The following SLC24A3 variants were observed in gnomAD, a reference collection of about 807,000 sequenced individuals.
SLC24A3 encodes the protein sodium/potassium/calcium exchanger 3.
A neutral mutation model predicts 75.8 loss-of-function variants in SLC24A3; 28 were observed. That is an observed-to-expected ratio of 0.37 (90% CI 0.27 to 0.51). The LOEUF (loss-of-function observed/expected upper bound fraction) is 0.51. SLC24A3 is among the 20% of genes least tolerant of loss of function. The pLI, the probability that SLC24A3 is intolerant of heterozygous loss-of-function variation, is 0.94. For synonymous variants in SLC24A3, 372 were observed against 334.1 expected (o/e 1.11, Z -1.24); for missense variants, 663 against 847.8 (o/e 0.78, Z 2.71).
intron 1 of SLC24A3, among the ~76,000 whole-genome samples, chr20:19,226,238 G>A (rs6112261): frequency 0.15 from 23,081 of 152,102 alleles, 3,034 homozygotes; most frequent in East Asian, 0.73. Context: ...TTTCAAATAC[G>A]GAATCAGCCT....
intron 2 of SLC24A3, among the ~76,000 whole-genome samples, chr20:19,470,085 T>C (rs11700233): frequency 0.54 from 82,156 of 152,014 alleles, 22,383 homozygotes; most frequent in Non-Finnish European, 0.56. Context: ...GAAGATGCCC[T>C]GCCACCTGTG....
intron 3 of SLC24A3, 121 bp downstream of exon 3, chr20:19,515,685 T>C (rs865966573): frequency 2.1e-6 from 2 of 964,390 alleles, no homozygotes; most frequent in Middle Eastern, 3.2e-4. Flanking sequence ...CGCTGCCTGG[T>C]GGGGGTCCTT....
intron 12 of SLC24A3, among the ~76,000 whole-genome samples, chr20:19,687,409 T>C (rs2032689885): frequency 6.6e-6 from 1 of 152,148 alleles, no homozygotes; most frequent in Admixed American, 6.5e-5. Flanking sequence ...AACTGTGCCA[T>C]ACAACACAGC....
At chr20:19,247,756 AG>A (rs1275629724) in intron 1 of SLC24A3, among the ~76,000 whole-genome samples, 2 of 152,256 alleles carry the variant, frequency 1.3e-5, no homozygotes, top group Non-Finnish European at 2.9e-5. Context: ...GTTAATTAAA[AG>A]TTACTACACT....
chr20:19,530,545 C>A (rs1219278738), intron 3 of SLC24A3, among the ~76,000 whole-genome samples: 1 of 152,168 alleles, frequency 6.6e-6, no homozygotes, highest in East Asian at 1.9e-4. Context: ...GTCACTTGCC[C>A]TTCAGGGTTT....
At chr20:19,616,790 C>G (rs1166314564) in intron 6 of SLC24A3, among the ~76,000 whole-genome samples, 1 of 152,100 alleles carries the variant, frequency 6.6e-6, no homozygotes, top group African/African-American at 2.4e-5. Flanking sequence ...CTGGGCTCTT[C>G]AGCCAAGAGC....
intron 1 of SLC24A3, among the ~76,000 whole-genome samples, chr20:19,277,568 T>C (rs1983523825): frequency 6.6e-6 from 1 of 152,248 alleles, no homozygotes; most frequent in Non-Finnish European, 1.5e-5. Context: ...TGCAATGCAT[T>C]GCTTCATCAT....
intron 2 of SLC24A3, among the ~76,000 whole-genome samples, chr20:19,378,259 C>T (rs1447424586): frequency 6.6e-6 from 1 of 151,690 alleles, no homozygotes; most frequent in Non-Finnish European, 1.5e-5. Context: ...TACAACAGTG[C>T]ACAGAGCTTG....
At chr20:19,432,827 C>A (rs1354524675) in intron 2 of SLC24A3, among the ~76,000 whole-genome samples, 1 of 152,180 alleles carries the variant, frequency 6.6e-6, no homozygotes, top group Non-Finnish European at 1.5e-5. Context: ...GTGAATGCTT[C>A]AAGTTTTTTT....
intron 15 of SLC24A3, among the ~76,000 whole-genome samples, chr20:19,705,607 A>T (rs1192807797): frequency 1.3e-5 from 2 of 152,166 alleles, no homozygotes; most frequent in Non-Finnish European, 2.9e-5. Context: ...TAGTGACCGC[A>T]TGACATCTTT....
At chr20:19,647,060 G>A (rs545486972) in intron 6 of SLC24A3, among the ~76,000 whole-genome samples, 1 of 152,130 alleles carries the variant, frequency 6.6e-6, no homozygotes, top group Non-Finnish European at 1.5e-5. Context: ...TCTGCCCTTG[G>A]GGTAGGAGGT....
chr20:19,328,659 T>C (rs1240615307), intron 2 of SLC24A3, among the ~76,000 whole-genome samples: 1 of 152,116 alleles, frequency 6.6e-6, no homozygotes, highest in African/African-American at 2.4e-5. Context: ...GTGAGCTTCA[T>C]GGGAGACCGG....
intron 2 of SLC24A3, among the ~76,000 whole-genome samples, chr20:19,291,770 G>A (rs1018257589): frequency 2.0e-5 from 3 of 152,188 alleles, no homozygotes; most frequent in Non-Finnish European, 4.4e-5. Context: ...GCCTGCAGGA[G>A]ACCTCAGGGC....
chr20:19,428,809 C>T (rs745464642), intron 2 of SLC24A3, among the ~76,000 whole-genome samples: 2 of 152,146 alleles, frequency 1.3e-5, no homozygotes, highest in East Asian at 3.9e-4. Context: ...TTTAACCTGC[C>T]CTGCCCAGGA....
At chr20:19,521,050 C>T (rs1271159983) in intron 3 of SLC24A3, among the ~76,000 whole-genome samples, 1 of 152,112 alleles carries the variant, frequency 6.6e-6, no homozygotes, top group Non-Finnish European at 1.5e-5. Flanking sequence ...TTCAGGTCCA[C>T]TGTCTATTTC....
chr20:19,554,699 C>G (rs1030011042), intron 3 of SLC24A3, among the ~76,000 whole-genome samples: 1 of 152,220 alleles, frequency 6.6e-6, no homozygotes, highest in Admixed American at 6.5e-5. Context: ...TTCCTTTCCC[C>G]CACCCAGAGT....
At chr20:19,227,934 T>C (rs962032820) in intron 1 of SLC24A3, among the ~76,000 whole-genome samples, 1 of 152,198 alleles carries the variant, frequency 6.6e-6, no homozygotes, top group African/African-American at 2.4e-5. Flanking sequence ...TATGGAAAAA[T>C]GGCATTTTAT....
intron 4 of SLC24A3, among the ~76,000 whole-genome samples, chr20:19,580,932 A>C (rs752939757): frequency 2.0e-5 from 3 of 151,904 alleles, no homozygotes; most frequent in Non-Finnish European, 2.9e-5. Context: ...AGGTCTTGGG[A>C]GAGTGGGAGG....
intron 2 of SLC24A3, among the ~76,000 whole-genome samples, chr20:19,454,970 C>G (rs1029656229): frequency 1.3e-5 from 2 of 152,160 alleles, no homozygotes; most frequent in African/African-American, 4.8e-5. Context: ...GTGATAGTGT[C>G]ACTCTCAGAA....
Sources: allele counts gnomAD v4.1 joint callset (sites outside exome capture counted in the v4.1 genomes callset), GRCh38; gene constraint gnomAD v4.1.1; transcripts MANE v1.5; gene names NCBI Gene and HGNC (gene_info 2026-07-23, HGNC 2026-07-21).